The following NR2F1-AS1 variants were observed in gnomAD, a reference collection of about 807,000 sequenced individuals.
NR2F1-AS1 encodes the protein NR2F1 regulatory antisense RNA 1.
chr5:93,495,896 GA>G (rs1042525822), intron 4 of NR2F1-AS1, among the ~76,000 whole-genome samples: 2 of 151,702 alleles, frequency 1.3e-5, no homozygotes, highest in African/African-American at 4.8e-5. Flanking sequence ...TTAAAAGCAG[GA>G]AAAAAATGTT....
intron 4 of NR2F1-AS1, among the ~76,000 whole-genome samples, chr5:93,475,744 T>C (rs1750470404): frequency 6.6e-6 from 1 of 152,212 alleles, no homozygotes; most frequent in African/African-American, 2.4e-5. Flanking sequence ...CCTTTCAGTA[T>C]CACTTAATTT....
At chr5:93,446,045 G>A (rs571597467) in intron 4 of NR2F1-AS1, among the ~76,000 whole-genome samples, 10 of 152,122 alleles carry the variant, frequency 6.6e-5, no homozygotes, top group South Asian at 2.1e-4. Flanking sequence ...TTGACGGGAC[G>A]TACATCAAAA....
chr5:93,575,765 C>T (rs556177891), intron 1 of NR2F1-AS1, among the ~76,000 whole-genome samples: 3 of 151,960 alleles, frequency 2.0e-5, no homozygotes, highest in Non-Finnish European at 2.9e-5. Flanking sequence ...AGAGTGAGGG[C>T]ATGAAAAAGC....
chr5:93,419,532 T>G (rs1425551133), intron 4 of NR2F1-AS1, among the ~76,000 whole-genome samples: 2 of 152,180 alleles, frequency 1.3e-5, no homozygotes, highest in Non-Finnish European at 2.9e-5. Context: ...GAATAACCAC[T>G]GCACTCCAGC....
intron 4 of NR2F1-AS1, among the ~76,000 whole-genome samples, chr5:93,472,694 A>T: frequency 6.6e-6 from 1 of 151,882 alleles, no homozygotes; most frequent in East Asian, 1.9e-4. Flanking sequence ...ACAGAGTGGT[A>T]CATTTAGTAC....
chr5:93,582,190 C>G (rs929070258), upstream of NR2F1-AS1, among the ~76,000 whole-genome samples: 2 of 148,430 alleles, frequency 1.3e-5, no homozygotes, highest in Admixed American at 1.3e-4. Flanking sequence ...AATCTCCCCC[C>G]ACCCTGCAAC....
intron 4 of NR2F1-AS1, among the ~76,000 whole-genome samples, chr5:93,550,696 G>T (rs1752206437): frequency 6.6e-6 from 1 of 152,178 alleles, no homozygotes; most frequent in South Asian, 2.1e-4. Flanking sequence ...GAATTACATT[G>T]TGTTGTTAAA....
chr5:93,412,636 A>C (rs1748880479), intron 4 of NR2F1-AS1, among the ~76,000 whole-genome samples: 1 of 152,146 alleles, frequency 6.6e-6, no homozygotes, highest in African/African-American at 2.4e-5. Flanking sequence ...TCGGTTTCCT[A>C]CAAACTGGAT....
At chr5:93,411,943 G>A (rs1384941550) in intron 4 of NR2F1-AS1, among the ~76,000 whole-genome samples, 5 of 152,120 alleles carry the variant, frequency 3.3e-5, no homozygotes, top group Non-Finnish European at 4.4e-5. Flanking sequence ...ATAGAGAAGC[G>A]TGCTGTGAAG....
At chr5:93,453,633 TAA>T (rs1392953145) in intron 4 of NR2F1-AS1, among the ~76,000 whole-genome samples, 2 of 151,874 alleles carry the variant, frequency 1.3e-5, no homozygotes, top group African/African-American at 4.8e-5. Flanking sequence ...TGCAGAAGAA[TAA>T]AATCAAGAAT....
At chr5:93,507,965 A>G (rs749775555) in intron 4 of NR2F1-AS1, among the ~76,000 whole-genome samples, 5 of 152,204 alleles carry the variant, frequency 3.3e-5, no homozygotes, top group Non-Finnish European at 7.3e-5. Flanking sequence ...AACATCAGGC[A>G]TAAATGGAAA....
At chr5:93,528,299 GACAGC>G (rs1226972961) in intron 4 of NR2F1-AS1, among the ~76,000 whole-genome samples, 2 of 152,070 alleles carry the variant, frequency 1.3e-5, no homozygotes, top group Non-Finnish European at 2.9e-5. Flanking sequence ...TGCTCACTTT[GACAGC>G]ACATGTACTA....
chr5:93,439,661 G>A (rs916005180), intron 4 of NR2F1-AS1, among the ~76,000 whole-genome samples: 1 of 152,186 alleles, frequency 6.6e-6, no homozygotes, highest in African/African-American at 2.4e-5. Context: ...TAGATGGAAT[G>A]GGGAAAGTTC....
At chr5:93,440,056 C>G (rs1411688681) in intron 4 of NR2F1-AS1, among the ~76,000 whole-genome samples, 1 of 152,098 alleles carries the variant, frequency 6.6e-6, no homozygotes, top group East Asian at 1.9e-4. Context: ...TCAGATAAGT[C>G]TTTGGAAAGT....
intron 4 of NR2F1-AS1, among the ~76,000 whole-genome samples, chr5:93,515,311 G>T (rs1372044992): frequency 2.0e-5 from 3 of 151,790 alleles, no homozygotes; most frequent in Admixed American, 6.6e-5. Flanking sequence ...GACCATAATT[G>T]TATCAAAACT....
chr5:93,426,747 G>T (rs899085473), intron 4 of NR2F1-AS1, among the ~76,000 whole-genome samples: 10 of 152,192 alleles, frequency 6.6e-5, no homozygotes, highest in African/African-American at 2.4e-4. Context: ...TCTGAGAAGA[G>T]TGGGAAAAAG....
rs1451389678 is a variant in NR2F1-AS1, at chr5:93,486,297, A to G, written n.638+67464T>C. 2.0e-5 allele frequency among the ~76,000 whole-genome samples: 3 copies of G among 151,326 alleles called. No individual in the cohort carries two copies. The East Asian group carries it at 5.8e-4, about 29-fold the overall frequency. Reference sequence around the variant, plus strand: ...ATTAATTAATTTTTTTAAAAAAGTCAGTGAATCCAGGAGCTGTTTTTTTTT... The same window carrying G: ...ATTAATTAATTTTTTTAAAAAAGTCGGTGAATCCAGGAGCTGTTTTTTTTT... On this transcript the variant is annotated intron_variant and non_coding_transcript_variant, in intron 4 of 5. Transcript: ENST00000660523.
intron 4 of NR2F1-AS1, among the ~76,000 whole-genome samples, chr5:93,475,524 C>T (rs537264938): frequency 3.8e-4 from 58 of 152,174 alleles, no homozygotes; most frequent in Middle Eastern, 3.2e-3. Context: ...GTACAGCACA[C>T]CCTAGAAGGG....
intron 4 of NR2F1-AS1, among the ~76,000 whole-genome samples, chr5:93,526,580 C>T (rs746079827): frequency 1.2e-4 from 18 of 152,170 alleles, no homozygotes; most frequent in Non-Finnish European, 1.8e-4. Context: ...TGATGAACAT[C>T]GATGCAAAAA....
Sources: allele counts gnomAD v4.1 joint callset (sites outside exome capture counted in the v4.1 genomes callset), GRCh38; gene constraint gnomAD v4.1.1; transcripts MANE v1.5; gene names NCBI Gene and HGNC (gene_info 2026-07-23, HGNC 2026-07-21).